The following LSAMP variants were observed in gnomAD, a reference collection of about 807,000 sequenced individuals.
LSAMP encodes limbic system-associated membrane protein.
LSAMP carries 7 observed loss-of-function variants against 38.6 expected under a neutral mutation model. That is an observed-to-expected ratio of 0.18 (90% CI 0.10 to 0.34). LSAMP has a LOEUF of 0.34. Among genes scored for constraint, LSAMP ranks in the 10% least tolerant of loss-of-function variants. The pLI is 1.00. For missense variants in LSAMP, 313 were observed against 420.0 expected, an observed-to-expected ratio of 0.75 and a Z score of 2.23; for synonymous variants, 154 against 166.8, an observed-to-expected ratio of 0.92 and a Z score of 0.59.
chr3:116,277,386 T>G (rs1344509851), intron 1 of LSAMP, among the ~76,000 whole-genome samples: 1 of 151,520 alleles, frequency 6.6e-6, no homozygotes, highest in Non-Finnish European at 1.5e-5. Context: ...TTTTTTTTTT[T>G]GAGACAGAGT....
At chr3:116,219,394 A>G (rs1365214322) in intron 1 of LSAMP, among the ~76,000 whole-genome samples, 1 of 152,204 alleles carries the variant, frequency 6.6e-6, no homozygotes. Context: ...GGTATTGTGA[A>G]TAGTGCTGCA....
chr3:116,227,553 G>A (rs557443035), intron 1 of LSAMP, among the ~76,000 whole-genome samples: 1 of 152,216 alleles, frequency 6.6e-6, no homozygotes, highest in African/African-American at 2.4e-5. Flanking sequence ...TTGAACATAT[G>A]TTTTTCAGTC....
intron 2 of LSAMP, among the ~76,000 whole-genome samples, chr3:116,024,053 C>A (rs1232287933): frequency 6.6e-6 from 1 of 152,194 alleles, no homozygotes; most frequent in African/African-American, 2.4e-5. Flanking sequence ...CCCTGCCTCC[C>A]ACTCTGCTCC....
At chr3:116,006,227 C>CT (rs1296513047) in intron 3 of LSAMP, among the ~76,000 whole-genome samples, 2 of 152,062 alleles carry the variant, frequency 1.3e-5, no homozygotes, top group Non-Finnish European at 2.9e-5. Context: ...GACTAGTGCT[C>CT]TTTTAAGAGG....
At chr3:116,376,758 C>T (rs1425285580) in intron 1 of LSAMP, among the ~76,000 whole-genome samples, 2 of 152,024 alleles carry the variant, frequency 1.3e-5, no homozygotes, top group African/African-American at 4.8e-5. Context: ...GATCAATTAG[C>T]ACCTATAAAT....
At chr3:116,266,828 C>T (rs774621350) in intron 1 of LSAMP, among the ~76,000 whole-genome samples, 21 of 152,020 alleles carry the variant, frequency 1.4e-4, no homozygotes, top group East Asian at 3.8e-4. Flanking sequence ...TATTACAAAG[C>T]GTAAACAGGA....
intron 1 of LSAMP, among the ~76,000 whole-genome samples, chr3:116,297,903 C>A (rs1245176621): frequency 2.0e-5 from 3 of 152,096 alleles, no homozygotes; most frequent in Non-Finnish European, 2.9e-5. Context: ...TTCAGTGATA[C>A]CCTGTTGACC....
chr3:115,948,783 A>G (rs1576246697), intron 3 of LSAMP, among the ~76,000 whole-genome samples: 4 of 152,322 alleles, frequency 2.6e-5, no homozygotes, highest in Admixed American at 2.6e-4. Context: ...CAAAGATCAG[A>G]GCAGAACTAA....
At chr3:116,290,758 T>G (rs2047255281) in intron 1 of LSAMP, among the ~76,000 whole-genome samples, 1 of 148,032 alleles carries the variant, frequency 6.8e-6, no homozygotes. Flanking sequence ...ATAATAATAA[T>G]AATAATAATA....
intron 1 of LSAMP, among the ~76,000 whole-genome samples, chr3:116,162,651 T>A (rs1709922400): frequency 6.6e-6 from 1 of 151,660 alleles, no homozygotes; most frequent in South Asian, 2.1e-4. Context: ...ACATTATATA[T>A]ATATATATAG....
chr3:116,329,447 A>G (rs929565012), intron 1 of LSAMP, among the ~76,000 whole-genome samples: 4 of 152,192 alleles, frequency 2.6e-5, no homozygotes, highest in African/African-American at 9.6e-5. Context: ...TTTTAAGAGT[A>G]TGACTGAAAA....
intron 3 of LSAMP, among the ~76,000 whole-genome samples, chr3:115,980,444 G>T (rs571065788): frequency 1.4e-4 from 21 of 151,074 alleles, no homozygotes; most frequent in African/African-American, 3.4e-4. Context: ...TCTCAGTTTG[G>T]AGTTTTTGGT....
At chr3:116,187,903 C>G (rs574845101) in intron 1 of LSAMP, among the ~76,000 whole-genome samples, 2 of 152,118 alleles carry the variant, frequency 1.3e-5, no homozygotes, top group Non-Finnish European at 2.9e-5. Context: ...GGTATTAAGC[C>G]TAGTACCCAT....
intron 1 of LSAMP, among the ~76,000 whole-genome samples, chr3:116,096,723 G>T (rs1708234018): frequency 6.6e-6 from 1 of 152,228 alleles, no homozygotes; most frequent in Non-Finnish European, 1.5e-5. Flanking sequence ...GGCCCATGCT[G>T]TGCTTTGTGA....
chr3:116,104,420 C>T (rs528834698), intron 1 of LSAMP, among the ~76,000 whole-genome samples: 489 of 150,746 alleles, frequency 3.2e-3, no homozygotes, highest in Non-Finnish European at 4.6e-3. Context: ...AAAAATCAAC[C>T]ACCCAACAAA....
intron 1 of LSAMP, among the ~76,000 whole-genome samples, chr3:116,105,324 T>C (rs1444852245): frequency 6.6e-6 from 1 of 152,126 alleles, no homozygotes; most frequent in African/African-American, 2.4e-5. Flanking sequence ...TTCCAGCTTC[T>C]CCAGCAGTCT....
chr3:116,255,749 A>G (rs1225870145), intron 1 of LSAMP, among the ~76,000 whole-genome samples: 1 of 152,172 alleles, frequency 6.6e-6, no homozygotes, highest in Non-Finnish European at 1.5e-5. Flanking sequence ...CTTCTATGAC[A>G]ATTAAGCAAG....
chr3:116,220,542 G>A (rs947362949), intron 1 of LSAMP, among the ~76,000 whole-genome samples: 1 of 152,138 alleles, frequency 6.6e-6, no homozygotes, highest in African/African-American at 2.4e-5. Flanking sequence ...GGGACTTAGG[G>A]ACATTTTGAG....
At chr3:116,358,951 T>C (rs772675242) in intron 1 of LSAMP, among the ~76,000 whole-genome samples, 4 of 152,200 alleles carry the variant, frequency 2.6e-5, no homozygotes, top group Non-Finnish European at 5.9e-5. Flanking sequence ...TTGGATTGCA[T>C]TTAAATGTGG....
Sources: gnomAD v4.1 joint callset for allele counts (sites outside exome capture counted in the v4.1 genomes callset) on GRCh38, gnomAD v4.1.1 for gene constraint, MANE v1.5 for transcripts, NCBI Gene and HGNC (gene_info 2026-07-23, HGNC 2026-07-21) for gene names.